Variants in DOCK9 observed in about 807,000 individuals in gnomAD.
DOCK9 encodes dedicator of cytokinesis 9, also known as dedicator of cytokinesis protein 9.
Under a neutral mutation model 263.3 loss-of-function variants are expected in DOCK9, and 89 were observed. That is an observed-to-expected ratio of 0.34 (90% CI 0.28 to 0.40). DOCK9 has a LOEUF of 0.40. DOCK9 is among the 10% of genes least tolerant of loss of function. The pLI is 1.00. For synonymous variants in DOCK9, 976 were observed against 973.1 expected, an observed-to-expected ratio of 1.00 and a Z score of -0.06; for missense variants, 2,140 against 2,603.4, an observed-to-expected ratio of 0.82 and a Z score of 3.87.
intron 1 of DOCK9, among the ~76,000 whole-genome samples, chr13:98,990,284 C>T (rs1384740799): frequency 1.3e-5 from 2 of 152,178 alleles, no homozygotes; most frequent in African/African-American, 4.8e-5. Context: ...AATGCCCCAT[C>T]CAGTGTTACA....
At chr13:98,882,377 C>T (rs764699015) in intron 23 of DOCK9, among the ~76,000 whole-genome samples, 1 of 152,076 alleles carries the variant, frequency 6.6e-6, no homozygotes, top group African/African-American at 2.4e-5. Context: ...AGGGAGGGGC[C>T]GCAAGCAATC....
At position 98,831,546 on chromosome 13, in the gene DOCK9, G is replaced by C; in HGVS notation, c.4453-16C>G. The C allele has an allele frequency of 6.3e-7, 1 of 1,585,328 alleles. No individual in the cohort carries two copies. The highest frequency in any genetic ancestry group is 8.6e-7 in the Non-Finnish European group (1 of 1,164,616). On this transcript the variant is annotated splice_polypyrimidine_tract_variant and intron_variant, in intron 40 of 52. Coordinates refer to ENST00000682017, the MANE Select transcript of DOCK9 (RefSeq NM_001366683.2). ...TTGAGGGAAACTAGACAGGATGAGAGGAAGCAGCAGATAAACCACAGACAG... is the reference window on the plus strand; with the variant it reads ...TTGAGGGAAACTAGACAGGATGAGACGAAGCAGCAGATAAACCACAGACAG...
At chr13:98,888,295 C>G in intron 17 of DOCK9, 65 bp downstream of exon 17, 3 of 1,602,592 alleles carry the variant, frequency 1.9e-6, no homozygotes, top group Non-Finnish European at 2.6e-6. Context: ...TATAAAAGAA[C>G]ATGGGACGCT....
chr13:98,849,186 T>C (rs1373860323), intron 36 of DOCK9, among the ~76,000 whole-genome samples: 1 of 152,102 alleles, frequency 6.6e-6, no homozygotes, highest in Admixed American at 6.5e-5. Context: ...TGAATCTCGT[T>C]TCACCACATA....
intron 9 of DOCK9, among the ~76,000 whole-genome samples, chr13:98,912,720 A>G (rs1278473761): frequency 6.6e-6 from 1 of 152,180 alleles, no homozygotes; most frequent in Non-Finnish European, 1.5e-5. Flanking sequence ...GTATATCCTC[A>G]TAGGAAAAAG....
chr13:98,963,166 T>C (rs1338045414), intron 1 of DOCK9, among the ~76,000 whole-genome samples: 1 of 152,114 alleles, frequency 6.6e-6, no homozygotes, highest in East Asian at 1.9e-4. Flanking sequence ...CACACTTCCC[T>C]ACACCTCCCA....
At chr13:99,086,646 C>G (rs1171243034), upstream of DOCK9, 2 of 146,842 alleles carry the variant, frequency 1.4e-5, no homozygotes, top group Non-Finnish European at 1.5e-5. Context: ...CCCCATGCCA[C>G]CAGCCTCCCT....
intron 1 of DOCK9, among the ~76,000 whole-genome samples, chr13:99,050,625 G>A (rs1758149734): frequency 1.3e-5 from 2 of 152,152 alleles, no homozygotes; most frequent in African/African-American, 4.8e-5. Context: ...TGCTGGAGGG[G>A]GAGGTTGCAG....
At chr13:98,961,308 G>A (rs2058614351) in intron 1 of DOCK9, among the ~76,000 whole-genome samples, 1 of 152,160 alleles carries the variant, frequency 6.6e-6, no homozygotes, top group Admixed American at 6.5e-5. Flanking sequence ...AAGCCCGGGG[G>A]CCCGCCCAGC....
chr13:98,884,941 G>A (rs757746436), intron 21 of DOCK9, 30 bp downstream of exon 21: 103 of 1,599,338 alleles, frequency 6.4e-5, no homozygotes, highest in Non-Finnish European at 8.6e-5. Context: ...TGAAGAAATT[G>A]GGATGACCCA....
At chr13:99,020,736 A>G (rs1885995458) in intron 1 of DOCK9, among the ~76,000 whole-genome samples, 1 of 152,198 alleles carries the variant, frequency 6.6e-6, no homozygotes, top group South Asian at 2.1e-4. Context: ...ATAAACTGGA[A>G]TTAATACTGT....
Position 98,906,199 on chromosome 13 carries a change from AGG to A in DOCK9, c.961-1495_961-1494del, listed in dbSNP as rs2049065202. Among the ~76,000 whole-genome samples the A allele has an allele frequency of 2.6e-5, 4 of 152,190 alleles. No individual in the cohort carries two copies. The South Asian group carries it at 8.3e-4, about 32-fold the overall frequency. On this transcript the variant is annotated intron_variant, in intron 9 of 52. Coordinates refer to ENST00000682017, the MANE Select transcript of DOCK9 (RefSeq NM_001366683.2). The stretch of plus-strand genomic sequence containing the variant: ...AAACTTAAGCGCAAGGCTGAGAGGA[AGG>A]CTGGAGTTCCAGCCTTGGGAGTGGA...
chr13:98,845,780 AC>A, intron 38 of DOCK9, 143 bp downstream of exon 38: 1 of 1,090,154 alleles, frequency 9.2e-7, no homozygotes, highest in Non-Finnish European at 1.3e-6. Flanking sequence ...AAGGAAGGGA[AC>A]TGTGCCATGA....
chr13:98,930,310 C>T, intron 2 of DOCK9, 53 bp from the exon 3 acceptor site: 1 of 1,500,032 alleles, frequency 6.7e-7, no homozygotes, highest in Non-Finnish European at 9.1e-7. Flanking sequence ...AGGCAGGTGC[C>T]AGCCTCAGAG....
intron 3 of DOCK9, among the ~76,000 whole-genome samples, chr13:98,929,662 T>C (rs2053606649): frequency 6.6e-6 from 1 of 151,672 alleles, no homozygotes; most frequent in Non-Finnish European, 1.5e-5. Context: ...GGAATATATA[T>C]AGTAATCAAT....
chr13:98,808,148 G>A (rs1193765056), intron 47 of DOCK9, among the ~76,000 whole-genome samples: 1 of 152,172 alleles, frequency 6.6e-6, no homozygotes, highest in Non-Finnish European at 1.5e-5. Flanking sequence ...ATGATGAGCA[G>A]CCCACGACAG....
rs1487243752 is a variant in DOCK9 at position 99,057,912 on chromosome 13, G to T, written c.129+28311C>A. 2.6e-5 allele frequency among the ~76,000 whole-genome samples: 4 copies of T among 152,024 alleles called. No individual in the cohort carries two copies. In the East Asian group the frequency reaches 7.7e-4, roughly 29 times the overall value. On this transcript the variant is annotated intron_variant, in intron 1 of 32. Transcript: ENST00000427887. ...CACTGTAATAATACACTGTAATTCTGTTATGTTGAAAACTGATTGTATACT... is the reference window on the plus strand; with the variant it reads ...CACTGTAATAATACACTGTAATTCTTTTATGTTGAAAACTGATTGTATACT...
intron 1 of DOCK9, among the ~76,000 whole-genome samples, chr13:99,054,775 G>T (rs1434987413): frequency 6.6e-6 from 1 of 152,162 alleles, no homozygotes; most frequent in African/African-American, 2.4e-5. Flanking sequence ...ACTATCACAA[G>T]CACCATCAGG....
At position 98,826,812 on chromosome 13, in the gene DOCK9, A is replaced by G. The variant is rs1218528249; in HGVS notation, c.5023+18T>C. On this transcript the variant is annotated intron_variant, in intron 44 of 52. Coordinates refer to ENST00000682017, the MANE Select transcript of DOCK9 (RefSeq NM_001366683.2). ...TTTATACTAATTAATTTCACAAAACATGAGAATAATTCCTTACCTTTCCGT... is the reference window on the plus strand; with the variant it reads ...TTTATACTAATTAATTTCACAAAACGTGAGAATAATTCCTTACCTTTCCGT... 1.3e-6 allele frequency: 2 copies of G among 1,593,282 alleles called. No individual in the cohort carries two copies. Among genetic ancestry groups the G allele is most frequent in the South Asian group, 1.1e-5 (1 of 87,600 alleles).
Sources: gnomAD v4.1 joint callset for allele counts (sites outside exome capture counted in the v4.1 genomes callset) on GRCh38, gnomAD v4.1.1 for gene constraint, MANE v1.5 for transcripts, NCBI Gene and HGNC (gene_info 2026-07-23, HGNC 2026-07-21) for gene names.